Variants in SPAG16 observed in about 807,000 individuals in gnomAD.
SPAG16 encodes sperm associated antigen 16.
A neutral mutation model predicts 80.4 loss-of-function variants in SPAG16; 86 were observed. The ratio of observed to expected loss-of-function variants is 1.07; its 90% CI spans 0.90 to 1.28. SPAG16 has a LOEUF of 1.28. Among genes scored for constraint, SPAG16 ranks in the 50% most tolerant of loss-of-function variants. The pLI, the probability that SPAG16 is intolerant of heterozygous loss-of-function variation, is 0.00. For synonymous variants in SPAG16, 294 were observed against 265.9 expected (o/e 1.11, Z -1.03); for missense variants, 870 against 765.3 (o/e 1.14, Z -1.61).
At chr2:213,923,623 G>A (rs1479467356) in intron 11 of SPAG16, among the ~76,000 whole-genome samples, 1 of 152,202 alleles carries the variant, frequency 6.6e-6, no homozygotes, top group African/African-American at 2.4e-5. Flanking sequence ...GGGGTTGTCT[G>A]CCCTACCAGC....
At chr2:214,015,334 C>G (rs2047533170) in intron 13 of SPAG16, among the ~76,000 whole-genome samples, 2 of 152,086 alleles carry the variant, frequency 1.3e-5, no homozygotes, top group East Asian at 3.9e-4. Flanking sequence ...TGCAGTGGCT[C>G]ACGCCTGTAA....
chr2:214,273,676 C>A (rs1049287868), intron 15 of SPAG16, among the ~76,000 whole-genome samples: 1 of 152,046 alleles, frequency 6.6e-6, no homozygotes, highest in African/African-American at 2.4e-5. Context: ...GATACCAGTA[C>A]CATGCTGTTT....
At chr2:213,433,039 T>C (rs1283939595) in intron 9 of SPAG16, among the ~76,000 whole-genome samples, 2 of 152,176 alleles carry the variant, frequency 1.3e-5, no homozygotes, top group African/African-American at 4.8e-5. Flanking sequence ...AAGAAGCATT[T>C]GATAATTTCC....
At chr2:214,194,749 A>C (rs893802861) in intron 15 of SPAG16, among the ~76,000 whole-genome samples, 5 of 152,082 alleles carry the variant, frequency 3.3e-5, no homozygotes, top group African/African-American at 1.2e-4. Flanking sequence ...CATCCTTATC[A>C]TATTGTTAGA....
At chr2:213,897,407 T>G (rs976429029) in intron 11 of SPAG16, among the ~76,000 whole-genome samples, 1 of 152,180 alleles carries the variant, frequency 6.6e-6, no homozygotes, top group Non-Finnish European at 1.5e-5. Flanking sequence ...GGTTTCTTCA[T>G]GTTTTTCTTT....
chr2:214,066,805 G>A (rs975415020), intron 13 of SPAG16, among the ~76,000 whole-genome samples: 10 of 152,240 alleles, frequency 6.6e-5, no homozygotes, highest in East Asian at 5.8e-4. Context: ...ATAGATGGAT[G>A]TTTTACTGGA....
chr2:214,105,033 C>A (rs998002578), intron 13 of SPAG16, among the ~76,000 whole-genome samples: 1 of 152,074 alleles, frequency 6.6e-6, no homozygotes, highest in Non-Finnish European at 1.5e-5. Flanking sequence ...GCAGAAGTGG[C>A]AATTTATCCA....
chr2:213,894,950 T>C (rs189182467), intron 11 of SPAG16, among the ~76,000 whole-genome samples: 6 of 124,434 alleles, frequency 4.8e-5, no homozygotes, highest in Admixed American at 1.1e-4. Context: ...GATCGTGCCA[T>C]TGCACTCCAG....
At chr2:213,525,398 T>A (rs533605859) in intron 10 of SPAG16, among the ~76,000 whole-genome samples, 56 of 151,102 alleles carry the variant, frequency 3.7e-4, no homozygotes, top group Non-Finnish European at 5.6e-4. Flanking sequence ...AAGCTATTCT[T>A]CTGCCTCAGC....
intron 10 of SPAG16, among the ~76,000 whole-genome samples, chr2:213,593,255 C>T (rs1200654292): frequency 6.6e-6 from 1 of 152,134 alleles, no homozygotes; most frequent in Non-Finnish European, 1.5e-5. Context: ...TCAGATTGAA[C>T]AGTGCATTTT....
chr2:213,913,417 C>T (rs370296871), intron 11 of SPAG16, among the ~76,000 whole-genome samples: 1 of 151,984 alleles, frequency 6.6e-6, no homozygotes, highest in Non-Finnish European at 1.5e-5. Flanking sequence ...AGTTCTCAAA[C>T]TTTTGGCCTG....
At chr2:213,890,580 T>C (rs1233584129) in intron 11 of SPAG16, among the ~76,000 whole-genome samples, 1 of 92,432 alleles carries the variant, frequency 1.1e-5, no homozygotes, top group African/African-American at 2.8e-5. Flanking sequence ...GAGCAATAAT[T>C]AAAGATGACT....
chr2:214,145,718 A>C (rs2055604037), intron 14 of SPAG16, among the ~76,000 whole-genome samples: 1 of 152,168 alleles, frequency 6.6e-6, no homozygotes, highest in Admixed American at 6.6e-5. Context: ...TGGCATAATT[A>C]AATTCATTTG....
chr2:214,401,867 G>A (rs543325764), intron 15 of SPAG16, among the ~76,000 whole-genome samples: 2 of 152,008 alleles, frequency 1.3e-5, no homozygotes, highest in African/African-American at 2.4e-5. Context: ...TATGTGTTAC[G>A]TGTTTAGACA....
At chr2:213,768,776 C>T (rs888596453) in intron 10 of SPAG16, among the ~76,000 whole-genome samples, 2 of 152,128 alleles carry the variant, frequency 1.3e-5, no homozygotes, top group African/African-American at 4.8e-5. Flanking sequence ...TGTAAATCAT[C>T]AGCCTATAAG....
At chr2:213,486,853 T>G (rs1286287177) in intron 9 of SPAG16, among the ~76,000 whole-genome samples, 1 of 152,080 alleles carries the variant, frequency 6.6e-6, no homozygotes, top group East Asian at 1.9e-4. Context: ...CAGCTGAAAT[T>G]AACATGCCAC....
chr2:214,156,960 CAA>C (rs1478337238), intron 15 of SPAG16, among the ~76,000 whole-genome samples: 1 of 152,146 alleles, frequency 6.6e-6, no homozygotes, highest in African/African-American at 2.4e-5. Context: ...GGATAAAATA[CAA>C]GAGAGAAAAG....
chr2:213,823,754 A>G (rs887176798), intron 10 of SPAG16, among the ~76,000 whole-genome samples: 2 of 151,672 alleles, frequency 1.3e-5, no homozygotes, highest in African/African-American at 4.8e-5. Flanking sequence ...TTTTTGATGG[A>G]GTTGTTTGGT....
chr2:214,141,399 A>G (rs992999477), intron 14 of SPAG16, among the ~76,000 whole-genome samples: 9 of 151,786 alleles, frequency 5.9e-5, no homozygotes, highest in African/African-American at 2.2e-4. Context: ...CCCAGGAGGC[A>G]GAGGTTGCAA....
Sources: allele counts gnomAD v4.1 joint callset (sites outside exome capture counted in the v4.1 genomes callset), GRCh38; gene constraint gnomAD v4.1.1; transcripts MANE v1.5; gene names NCBI Gene and HGNC (gene_info 2026-07-23, HGNC 2026-07-21).